Variants in KAT6A observed in about 807,000 individuals in gnomAD.
KAT6A encodes the protein lysine acetyltransferase 6A.
Under a neutral mutation model 198.4 loss-of-function variants are expected in KAT6A, and 9 were observed. The ratio of observed to expected loss-of-function variants is 0.05; its 90% CI spans 0.03 to 0.08. The LOEUF (loss-of-function observed/expected upper bound fraction) is 0.08, where lower values mean the gene tolerates loss of function less well. Among genes scored for constraint, KAT6A ranks in the 10% least tolerant of loss-of-function variants. The probability of loss-of-function intolerance (pLI) is 1.00; values close to 1 mark genes in which losing one functional copy is unlikely to be tolerated. For synonymous variants in KAT6A, 890 were observed against 883.0 expected, an observed-to-expected ratio of 1.01 and a Z score of -0.14; for missense variants, 2,077 against 2,509.9, an observed-to-expected ratio of 0.83 and a Z score of 3.69.
Position 41,934,800 on chromosome 8 carries a change from T to C in KAT6A, c.3420A>G (p.Pro1140=), listed in dbSNP as rs769651499. The part of the protein sequence containing the change: ...KRDVKNSPLE[P]DTSTPLKKKK... Reference sequence around the variant, plus strand: ...TCTTTTTCAAAGGTGTGGATGTATCTGGCTCAAGAGGAGAATTCTTCACAT... The same window carrying C: ...TCTTTTTCAAAGGTGTGGATGTATCCGGCTCAAGAGGAGAATTCTTCACAT... The change falls in exon 17 of 17, where the codon CCA becomes CCG. Residue 1140 remains proline, a synonymous_variant. Coordinates refer to ENST00000265713, the MANE Select transcript of KAT6A (RefSeq NM_006766.5). The C allele has an allele frequency of 5.0e-6, 8 of 1,613,998 alleles. No homozygotes were observed. Among genetic ancestry groups the C allele is most frequent in the Non-Finnish European group, 6.8e-6 (8 of 1,180,004 alleles).
intron 2 of KAT6A, among the ~76,000 whole-genome samples, chr8:42,044,874 C>T (rs899166859): frequency 3.3e-5 from 5 of 152,200 alleles, no homozygotes; most frequent in Non-Finnish European, 7.3e-5. Context: ...GTCAAATAAA[C>T]TCTGGATAAT....
rs145913140 is a variant in KAT6A, at chr8:42,010,420, T to C, written c.601-22857A>G. On this transcript the variant is annotated intron_variant, in intron 2 of 16. Transcript: ENST00000265713. ...GAGAAAGTAGAAATTGGGTTCAGAT[T>C]CTAGGACTTCAACTTTATCCATAAA... 2.0e-3 allele frequency among the ~76,000 whole-genome samples: 311 copies of C among 152,302 alleles called. 1 individual carries two copies. Among genetic ancestry groups the C allele is most frequent in the Middle Eastern group, 0.01 (3 of 294 alleles).
At chr8:41,960,966 T>C (rs534976908) in intron 8 of KAT6A, among the ~76,000 whole-genome samples, 34 of 152,338 alleles carry the variant, frequency 2.2e-4, no homozygotes, top group African/African-American at 7.7e-4. Flanking sequence ...AGTTATTACC[T>C]TAATGTGAAT....
At chr8:42,008,625 A>G (rs570575978) in intron 2 of KAT6A, among the ~76,000 whole-genome samples, 4 of 152,228 alleles carry the variant, frequency 2.6e-5, no homozygotes, top group South Asian at 4.1e-4. Flanking sequence ...GATTACAGGC[A>G]TGAGACACTG....
intron 16 of KAT6A, 102 bp downstream of exon 16, chr8:41,937,154 G>T: frequency 2.4e-6 from 2 of 833,284 alleles, no homozygotes; most frequent in Non-Finnish European, 3.8e-6. Context: ...TTGCTTAGTG[G>T]GTTGTGTTCA....
At position 41,947,893 on chromosome 8, in the gene KAT6A, G is replaced by A. The variant is rs1382216467; in HGVS notation, c.1760C>T (p.Thr587Ile). ...SVFEVDGNVS[T>I]IYCQNLCLLA... is the part of the protein sequence containing the mutation. The stretch of plus-strand genomic sequence containing the variant: ...AAGACACAGGTTTTGACAATAAATG[G>A]TACTCACATTCCCATCAACCTAGAG... Residue 587 changes from threonine to isoleucine, a missense_variant, in exon 11 of 17, where the codon ACC becomes ATC. This residue lies in a region of KAT6A where 46 missense variants were observed against 88.2 expected (regional missense o/e 0.52). Transcript: ENST00000265713. The A allele has an allele frequency of 2.5e-6, 4 of 1,602,934 alleles. No homozygotes were observed.
intron 4 of KAT6A, among the ~76,000 whole-genome samples, chr8:41,981,624 T>C (rs1470083622): frequency 1.3e-5 from 2 of 152,180 alleles, no homozygotes; most frequent in South Asian, 2.1e-4. Context: ...TCTGCAAATA[T>C]ATAATTAAGT....
intron 2 of KAT6A, among the ~76,000 whole-genome samples, chr8:42,020,979 G>T (rs1826500043): frequency 6.6e-6 from 1 of 152,040 alleles, no homozygotes; most frequent in Non-Finnish European, 1.5e-5. Flanking sequence ...TAACAATGGG[G>T]GGGGTACTCT....
At chr8:41,969,487 A>G (rs1392997067) in intron 8 of KAT6A, among the ~76,000 whole-genome samples, 1 of 152,032 alleles carries the variant, frequency 6.6e-6, no homozygotes, top group African/African-American at 2.4e-5. Flanking sequence ...CAACTCCAAA[A>G]TATATCTAAA....
chr8:41,978,769 T>C lies in KAT6A; in HGVS notation c.916A>G (p.Ile306Val), dbSNP rs184295965. The change falls in exon 6 of 17, where the codon ATA becomes GTA. Residue 306 changes from isoleucine (I) to valine (V), a missense_variant. Ile to Val is a conservative substitution (Grantham distance 29). Transcript: ENST00000265713. ...PLTRMPKGMWICQICRPRKKG... is the reference protein window; with the variant it reads ...PLTRMPKGMWVCQICRPRKKG... ...TTCCTAGGTCGACATATTTGACATA[T>C]CCACATGCCTATAAAAAAATAAAAT... 6.2e-7 allele frequency: 1 copy of C among 1,613,144 alleles called. No homozygotes were observed. The highest frequency in any genetic ancestry group is 8.5e-7 in the Non-Finnish European group (1 of 1,179,630).
intron 5 of KAT6A, 24 bp from the exon 6 acceptor site, chr8:41,978,801 T>C (rs1824201355): frequency 1.9e-6 from 3 of 1,608,214 alleles, no homozygotes; most frequent in East Asian, 2.2e-5. Context: ...AAATTCCACA[T>C]AGAAGTGTGA....
At chr8:42,037,720 T>C (rs1017347602) in intron 2 of KAT6A, among the ~76,000 whole-genome samples, 2 of 152,044 alleles carry the variant, frequency 1.3e-5, no homozygotes. Flanking sequence ...TGCCAGATTT[T>C]ATTTCCACAC....
At position 41,942,892 on chromosome 8, in the gene KAT6A, G is replaced by T; in HGVS notation, c.2337C>A (p.Val779=). Residue 779 remains valine (V), a synonymous_variant, in exon 14 of 17, where the codon GTC becomes GTA. Coordinates refer to ENST00000265713, the MANE Select transcript of KAT6A (RefSeq NM_006766.5). ...CTGAGACCACAGAGTTGGACACTAT[G>T]ACTGGAGTCCAGCGCAAACATTCTG... ...VDPECLRWTP[V]IVSNSVVSEE... is the part of the protein sequence containing the mutation. 6.2e-7 allele frequency: 1 copy of T among 1,614,094 alleles called. No homozygotes were observed. Among genetic ancestry groups the T allele is most frequent in the South Asian group, 1.1e-5 (1 of 91,076 alleles).
At chr8:42,021,599 G>C (rs944776602) in intron 2 of KAT6A, among the ~76,000 whole-genome samples, 3 of 152,062 alleles carry the variant, frequency 2.0e-5, no homozygotes, top group African/African-American at 7.2e-5. Flanking sequence ...CTTAACTCAA[G>C]TCCTAAACTA....
chr8:42,004,124 G>C (rs1437482951), intron 2 of KAT6A, among the ~76,000 whole-genome samples: 5 of 152,078 alleles, frequency 3.3e-5, no homozygotes, highest in Non-Finnish European at 7.4e-5. Flanking sequence ...ATTTAGTTAG[G>C]TGCTAGAGAA....
chr8:41,940,221 T>C (rs1420463359), intron 15 of KAT6A, among the ~76,000 whole-genome samples: 1 of 152,240 alleles, frequency 6.6e-6, no homozygotes, highest in Non-Finnish European at 1.5e-5. Flanking sequence ...CAGAATTCAT[T>C]ATCATCATTG....
At chr8:42,044,005 A>G (rs992285319) in intron 2 of KAT6A, among the ~76,000 whole-genome samples, 15 of 152,314 alleles carry the variant, frequency 9.8e-5, no homozygotes, top group African/African-American at 3.6e-4. Context: ...AACGCCTGGC[A>G]CATAGTAAAT....
At chr8:42,016,903 C>T (rs1826297388) in intron 2 of KAT6A, among the ~76,000 whole-genome samples, 1 of 150,072 alleles carries the variant, frequency 6.7e-6, no homozygotes, top group Non-Finnish European at 1.5e-5. Context: ...CTGAGGGATG[C>T]AAAAAAAAAT....
chr8:41,941,077 A>C lies in KAT6A; in HGVS notation c.2804T>G (p.Leu935Arg). 6.2e-7 allele frequency: 1 copy of C among 1,614,158 alleles called. No individual in the cohort carries two copies. The highest frequency in any genetic ancestry group is 2.2e-5 in the East Asian group (1 of 44,878). Reference sequence around the variant, plus strand: ...CCCCTCACTGAGTCTTCTCTTGGGAAGGTCAGGTTTCCCGTCCTGGCTTGG... The same window carrying C: ...CCCCTCACTGAGTCTTCTCTTGGGACGGTCAGGTTTCCCGTCCTGGCTTGG... The part of the protein sequence containing the change: ...EQPSQDGKPD[L>R]PKRRLSEGVE... The change falls in exon 15 of 17, where the codon CTT (leucine) becomes CGT (arginine). Residue 935 changes from leucine to arginine, a missense_variant. Coordinates refer to ENST00000265713, the MANE Select transcript of KAT6A (RefSeq NM_006766.5).
Sources: gnomAD v4.1 joint callset for allele counts (sites outside exome capture counted in the v4.1 genomes callset) on GRCh38, gnomAD v4.1.1 for gene constraint, gnomAD v4.1.1 regional missense constraint, MANE v1.5 for transcripts, NCBI Gene and HGNC (gene_info 2026-07-23, HGNC 2026-07-21) for gene names.